The following KIRREL3 variants were observed in gnomAD, a reference collection of about 807,000 sequenced individuals.
KIRREL3 encodes the protein kin of IRRE-like protein 3.
A neutral mutation model predicts 89.7 loss-of-function variants in KIRREL3; 36 were observed. The observed-to-expected ratio is 0.40, with a 90% CI of 0.31 to 0.53. The LOEUF (loss-of-function observed/expected upper bound fraction) is 0.53, where lower values mean the gene tolerates loss of function less well. Among genes scored for constraint, KIRREL3 ranks in the 20% least tolerant of loss-of-function variants. The pLI is 0.49. For missense variants in KIRREL3, 864 were observed against 1,056.6 expected (o/e 0.82, Z 2.53); for synonymous variants, 445 against 441.4 (o/e 1.01, Z -0.10).
At chr11:126,956,559 C>T (rs1948927906) in intron 1 of KIRREL3, among the ~76,000 whole-genome samples, 1 of 152,166 alleles carries the variant, frequency 6.6e-6, no homozygotes, top group African/African-American at 2.4e-5. Flanking sequence ...CAAGAAGCAG[C>T]AGCCCAAGGA....
chr11:126,813,834 A>AT (rs1410219680), intron 1 of KIRREL3, among the ~76,000 whole-genome samples: 1 of 152,158 alleles, frequency 6.6e-6, no homozygotes, highest in African/African-American at 2.4e-5. Context: ...AGGCAATACC[A>AT]TTCAGAACAT....
chr11:126,718,000 A>C (rs1445346444), intron 1 of KIRREL3, among the ~76,000 whole-genome samples: 1 of 152,088 alleles, frequency 6.6e-6, no homozygotes, highest in African/African-American at 2.4e-5. Context: ...ACATTTTTTC[A>C]TTGGGAGGTT....
At position 126,607,984 on chromosome 11, in the gene KIRREL3, G is replaced by A. The variant is rs967072162; in HGVS notation, c.56-45072C>T. The stretch of plus-strand genomic sequence containing the variant: ...CAGCAAGGGCCCGAGGAACGAGCAC[G>A]TCAGCTGTCTCCAGGGCCTTTCTCA... On this transcript the variant is annotated intron_variant, in intron 1 of 16. Transcript: ENST00000525144. This position sits in a 1 kb window ranked among gnomAD's most constrained non-coding sequence, Gnocchi z 6.6. 7.2e-5 allele frequency among the ~76,000 whole-genome samples: 11 copies of A among 152,324 alleles called. No homozygotes were observed. Among genetic ancestry groups the A allele is most frequent in the East Asian group, 3.9e-4 (2 of 5,178 alleles).
intron 1 of KIRREL3, among the ~76,000 whole-genome samples, chr11:126,957,143 G>A (rs567397987): frequency 3.9e-5 from 6 of 152,174 alleles, no homozygotes; most frequent in African/African-American, 9.7e-5. Context: ...CAGCTAGCTC[G>A]TGGCTCATGA....
At chr11:126,942,032 C>T (rs974095187) in intron 1 of KIRREL3, among the ~76,000 whole-genome samples, 2 of 152,146 alleles carry the variant, frequency 1.3e-5, no homozygotes, top group East Asian at 3.9e-4. Flanking sequence ...TGTCATTTTC[C>T]AGTGGTGTGG....
intron 1 of KIRREL3, among the ~76,000 whole-genome samples, chr11:126,760,542 G>A (rs1385247624): frequency 6.6e-6 from 1 of 152,204 alleles, no homozygotes; most frequent in African/African-American, 2.4e-5. Context: ...TTCTCATTGA[G>A]CTTGCACAAG....
rs1945079852 is a variant in KIRREL3 at position 126,870,731 on chromosome 11, G to A, written c.55+129724C>T. On this transcript the variant is annotated intron_variant, in intron 1 of 16. Transcript: ENST00000525144. This position sits in a 1 kb window ranked among gnomAD's most constrained non-coding sequence, Gnocchi z 4.4. ...TGTGAGCAGGAGTCCAAGAGGTCAC[G>A]AGGCATACCCAGCTCCTGCCATTAC... Among the ~76,000 whole-genome samples, 2 of 152,160 alleles carry A rather than the reference G, an allele frequency of 1.3e-5. No homozygotes were observed. The highest frequency in any genetic ancestry group is 4.8e-5 in the African/African-American group (2 of 41,420).
chr11:126,567,698 G>C (rs1453387910), intron 1 of KIRREL3, among the ~76,000 whole-genome samples: 1 of 152,192 alleles, frequency 6.6e-6, no homozygotes, highest in Admixed American at 6.5e-5. Flanking sequence ...AAGGTGGGGA[G>C]AGAAGGCTGG....
At chr11:126,552,551 T>TTG (rs1939355876) in intron 2 of KIRREL3, among the ~76,000 whole-genome samples, 3 of 28,750 alleles carry the variant, frequency 1.0e-4, no homozygotes, top group Non-Finnish European at 2.3e-4. Flanking sequence ...GAGAGAAAAG[T>TTG]TTTTTTTTTT....
chr11:126,886,260 C>A (rs140197520), intron 1 of KIRREL3, among the ~76,000 whole-genome samples: 14 of 152,334 alleles, frequency 9.2e-5, no homozygotes, highest in African/African-American at 3.4e-4. Context: ...TAGCTCCCTG[C>A]ATGATGATAA....
intron 8 of KIRREL3, among the ~76,000 whole-genome samples, chr11:126,448,557 G>A (rs977184515): frequency 4.6e-5 from 7 of 152,222 alleles, no homozygotes; most frequent in African/African-American, 1.7e-4. Flanking sequence ...GGTAGTAGGA[G>A]GAGGAGCTTT....
rs1942869949 is a variant in KIRREL3, at chr11:126,605,905, AG to A, written c.56-42994del. Reference sequence around the variant, plus strand: ...CACAAAGGGCAGAAGGGAACCTTGGAGGTTCCTCCTGTTCATTCTCTGCCTC... The same window carrying A: ...CACAAAGGGCAGAAGGGAACCTTGGAGTTCCTCCTGTTCATTCTCTGCCTC... On this transcript the variant is annotated intron_variant, in intron 1 of 16. Transcript: ENST00000525144. This position sits in a 1 kb window ranked among gnomAD's most constrained non-coding sequence, Gnocchi z 5.7. 6.6e-6 allele frequency among the ~76,000 whole-genome samples: 1 copy of A among 152,202 alleles called. No homozygotes were observed. The highest frequency in any genetic ancestry group is 1.9e-4 in the East Asian group (1 of 5,192).
intron 4 of KIRREL3, among the ~76,000 whole-genome samples, chr11:126,518,047 C>T (rs1958472340): frequency 6.6e-6 from 1 of 152,212 alleles, no homozygotes; most frequent in Non-Finnish European, 1.5e-5. Context: ...ACCTAAAATC[C>T]CCAGTCTTTG....
In KIRREL3 at chr11:126,535,590, T is replaced by TGTGC. The variant is rs1555140337; in HGVS notation, c.134-8907_134-8904dup. Among the ~76,000 whole-genome samples the TGTGC allele has an allele frequency of 8.1e-4, 123 of 152,190 alleles. No homozygotes were observed. Among genetic ancestry groups the TGTGC allele is most frequent in the African/African-American group, 2.7e-3 (112 of 41,530 alleles). ...GCTGGGTCGGGTGTGTGTGTGTGTG[T>TGTGC]GTGCACGTGGGTGTGTTTGTCAGAT... On this transcript the variant is annotated intron_variant, in intron 2 of 16. Transcript: ENST00000525144. This position sits in a 1 kb window ranked among gnomAD's most constrained non-coding sequence, Gnocchi z 4.5.
In KIRREL3 at chr11:126,528,906, T is replaced by C. The variant is rs929927139; in HGVS notation, c.134-2219A>G. On this transcript the variant is annotated intron_variant, in intron 2 of 16. Transcript: ENST00000525144. The surrounding 1 kb of genome is among the most constrained non-coding windows in gnomAD (Gnocchi z 4.6). ...CCTTCTCTGGCTCCTTTTACTCTAA[T>C]GATGATTTCACAGCTCATCCTTTTA... Among the ~76,000 whole-genome samples the C allele has an allele frequency of 2.6e-5, 4 of 152,040 alleles. No individual in the cohort carries two copies. The highest frequency in any genetic ancestry group is 4.4e-5 in the Non-Finnish European group (3 of 68,002).
chr11:126,598,546 C>T (rs1341152634), intron 1 of KIRREL3, among the ~76,000 whole-genome samples: 1 of 152,166 alleles, frequency 6.6e-6, no homozygotes, highest in Non-Finnish European at 1.5e-5. Flanking sequence ...GGGCTGATGA[C>T]TGGAGCTTCA....
intron 1 of KIRREL3, among the ~76,000 whole-genome samples, chr11:126,629,845 T>G (rs1467903725): frequency 6.6e-6 from 1 of 152,210 alleles, no homozygotes; most frequent in Non-Finnish European, 1.5e-5. Flanking sequence ...TGAGCCACTC[T>G]GTCCCTTCAC....
chr11:126,669,383 C>T lies in KIRREL3; in HGVS notation c.56-106471G>A, dbSNP rs1280410372. Among the ~76,000 whole-genome samples the T allele has an allele frequency of 6.6e-6, 1 of 152,244 alleles. No individual in the cohort carries two copies. Among genetic ancestry groups the T allele is most frequent in the Non-Finnish European group, 1.5e-5 (1 of 68,042 alleles). Reference sequence around the variant, plus strand: ...GTTCTCAGGTGTTGGATCATGTCCTCTAGAAAACTTTTCCCTATTTAATCC... The same window carrying T: ...GTTCTCAGGTGTTGGATCATGTCCTTTAGAAAACTTTTCCCTATTTAATCC... On this transcript the variant is annotated intron_variant, in intron 1 of 16. Transcript: ENST00000525144. This position sits in a 1 kb window ranked among gnomAD's most constrained non-coding sequence, Gnocchi z 5.0.
At chr11:126,932,742 A>G (rs556151021) in intron 1 of KIRREL3, among the ~76,000 whole-genome samples, 1 of 152,320 alleles carries the variant, frequency 6.6e-6, no homozygotes, top group South Asian at 2.1e-4. Flanking sequence ...AACAGCTTCT[A>G]TGTGTTAGAA....
Sources: gnomAD v4.1 joint callset for allele counts (sites outside exome capture counted in the v4.1 genomes callset) on GRCh38, gnomAD v4.1.1 for gene constraint, Gnocchi (gnomAD v3.1) non-coding constraint, MANE v1.5 for transcripts, NCBI Gene and HGNC (gene_info 2026-07-23, HGNC 2026-07-21) for gene names.